The following CLIC5 variants were observed in gnomAD, a reference collection of about 807,000 sequenced individuals.
The protein encoded by CLIC5 is chloride intracellular channel protein 5.
In CLIC5, 20 loss-of-function variants were observed where a neutral mutation model predicts 24.7. The ratio of observed to expected loss-of-function variants is 0.81; its 90% CI spans 0.57 to 1.18. The LOEUF (loss-of-function observed/expected upper bound fraction) is 1.18, where lower values mean the gene tolerates loss of function less well. Among genes scored for constraint, CLIC5 ranks in the 50% most tolerant of loss-of-function variants. The pLI, the probability that CLIC5 is intolerant of heterozygous loss-of-function variation, is 0.00. For synonymous variants in CLIC5, 159 were observed against 135.6 expected, an observed-to-expected ratio of 1.17 and a Z score of -1.20; for missense variants, 341 against 326.1, an observed-to-expected ratio of 1.05 and a Z score of -0.35.
the CLIC5 span, among the ~76,000 whole-genome samples, chr6:46,116,551 C>T: frequency 6.6e-6 from 1 of 152,174 alleles, no homozygotes; most frequent in Non-Finnish European, 1.5e-5. Context: ...AAAGCAAGTA[C>T]TCAGCACAGT....
At chr6:46,073,330 A>T (rs535817880) in intron 1 of CLIC5, among the ~76,000 whole-genome samples, 1 of 152,276 alleles carries the variant, frequency 6.6e-6, no homozygotes, top group South Asian at 2.1e-4. Context: ...CCCTCACAAA[A>T]TATAAAGTAG....
chr6:46,070,710 T>TA (rs1022874253), intron 1 of CLIC5, among the ~76,000 whole-genome samples: 8 of 150,508 alleles, frequency 5.3e-5, no homozygotes, highest in African/African-American at 2.0e-4. Flanking sequence ...TACACAGAAC[T>TA]AAAAAAAAAG....
intron 1 of CLIC5, among the ~76,000 whole-genome samples, chr6:45,998,765 G>T (rs1420022188): frequency 1.3e-5 from 2 of 152,098 alleles, no homozygotes; most frequent in African/African-American, 2.4e-5. Context: ...CAAAGGCCAA[G>T]CCCACAGCTC....
At chr6:45,887,035 C>T (rs946981649) in intron 6 of CLIC5, among the ~76,000 whole-genome samples, 7 of 152,208 alleles carry the variant, frequency 4.6e-5, no homozygotes, top group Non-Finnish European at 1.0e-4. Context: ...TAAAATCCCA[C>T]CTTTGACGCA....
At chr6:45,886,015 G>A (rs965637001) in intron 6 of CLIC5, among the ~76,000 whole-genome samples, 10 of 152,162 alleles carry the variant, frequency 6.6e-5, no homozygotes, top group Non-Finnish European at 1.2e-4. Context: ...ATACTAAAGG[G>A]TGGGACCAAT....
chr6:46,099,960 G>A, the CLIC5 span, among the ~76,000 whole-genome samples: 1 of 151,702 alleles, frequency 6.6e-6, no homozygotes, highest in Non-Finnish European at 1.5e-5. Flanking sequence ...ATGCCTTCCT[G>A]AGGTTACTTA....
downstream of CLIC5, chr6:45,881,000 A>C (rs1041432546): frequency 3.3e-5 from 13 of 396,640 alleles, no homozygotes; most frequent in African/African-American, 2.1e-4. Context: ...GGAGAAATCC[A>C]GACTTCAACA....
chr6:45,949,955 C>CT (rs531523241), intron 2 of CLIC5, among the ~76,000 whole-genome samples: 19 of 152,314 alleles, frequency 1.2e-4, no homozygotes, highest in Non-Finnish European at 2.6e-4. Flanking sequence ...ACAGAATACT[C>CT]TTTTTGAGTT....
chr6:45,984,516 C>T (rs1056093609), intron 1 of CLIC5, among the ~76,000 whole-genome samples: 9 of 152,134 alleles, frequency 5.9e-5, no homozygotes, highest in Non-Finnish European at 8.8e-5. Context: ...CTAAGTGCCC[C>T]GCCTCCACAG....
At chr6:46,078,516 C>T (rs371375098) in intron 1 of CLIC5, among the ~76,000 whole-genome samples, 1 of 152,066 alleles carries the variant, frequency 6.6e-6, no homozygotes, top group Admixed American at 6.6e-5. Flanking sequence ...CTCTGAACAC[C>T]CACACACTCC....
At chr6:46,088,161 CTGTGTGTGTGTG>C in the CLIC5 span, among the ~76,000 whole-genome samples, 128 of 146,446 alleles carry the variant, frequency 8.7e-4, 1 homozygote, top group African/African-American at 3.0e-3. Context: ...CGCTCTCTTT[CTGTGTGTGTGTG>C]TGTGTGTGTG....
intron 4 of CLIC5, chr6:45,932,838 A>C (rs1255035180): frequency 1.3e-5 from 2 of 152,284 alleles, no homozygotes; most frequent in African/African-American, 2.4e-5. Flanking sequence ...CGAGGAATGC[A>C]CCTGTGGCTG....
At chr6:45,884,740 C>T (rs898908204) in intron 6 of CLIC5, among the ~76,000 whole-genome samples, 1 of 152,072 alleles carries the variant, frequency 6.6e-6, no homozygotes, top group Non-Finnish European at 1.5e-5. Context: ...TTTTCTATTA[C>T]GTGTGGATAC....
chr6:46,068,289 T>G (rs932668894), intron 1 of CLIC5, among the ~76,000 whole-genome samples: 6 of 152,172 alleles, frequency 3.9e-5, no homozygotes, highest in African/African-American at 1.2e-4. Context: ...TAAAACACCA[T>G]GTTTTCAGTA....
chr6:46,017,178 T>C (rs551398071), upstream of CLIC5, among the ~76,000 whole-genome samples: 62 of 152,198 alleles, frequency 4.1e-4, no homozygotes, highest in Non-Finnish European at 7.3e-4. Context: ...AAAATAATTA[T>C]TGAATGTTTT....
intron 6 of CLIC5, among the ~76,000 whole-genome samples, chr6:45,884,504 G>A (rs1762287285): frequency 6.6e-6 from 1 of 152,186 alleles, no homozygotes; most frequent in Non-Finnish European, 1.5e-5. Context: ...ATTCTCCTGG[G>A]CAGCCCCCGC....
the CLIC5 span, among the ~76,000 whole-genome samples, chr6:46,089,104 G>A: frequency 6.6e-6 from 1 of 152,086 alleles, no homozygotes; most frequent in Non-Finnish European, 1.5e-5. Context: ...TTTACATTTG[G>A]GTAAGGAGTG....
At chr6:46,097,860 T>G in the CLIC5 span, among the ~76,000 whole-genome samples, 2 of 152,348 alleles carry the variant, frequency 1.3e-5, no homozygotes, top group African/African-American at 4.8e-5. Flanking sequence ...CCGTTTTTGT[T>G]AATGGAAGAC....
chr6:46,017,276 A>C (rs1300171172), upstream of CLIC5, among the ~76,000 whole-genome samples: 1 of 152,244 alleles, frequency 6.6e-6, no homozygotes, highest in Non-Finnish European at 1.5e-5. Flanking sequence ...TACTAAAAAC[A>C]TGTATTTGTT....
Sources: allele counts gnomAD v4.1 joint callset (sites outside exome capture counted in the v4.1 genomes callset), GRCh38; gene constraint gnomAD v4.1.1; transcripts MANE v1.5; gene names NCBI Gene and HGNC (gene_info 2026-07-23, HGNC 2026-07-21).